RPA1: variants seen among roughly 807,000 people sequenced by gnomAD.
RPA1 encodes replication protein A1, also known as replication protein A 70 kDa DNA-binding subunit.
Under a neutral mutation model 83.0 loss-of-function variants are expected in RPA1, and 49 were observed. The observed-to-expected ratio is 0.59, with a 90% confidence interval of 0.47 to 0.75. The LOEUF is 0.75. Among genes scored for constraint, RPA1 ranks in the 30% least tolerant of loss-of-function variants. The pLI is 0.00. For missense variants in RPA1, 693 were observed against 776.1 expected, an observed-to-expected ratio of 0.89 and a Z score of 1.27; for synonymous variants, 279 against 281.8, an observed-to-expected ratio of 0.99 and a Z score of 0.10.
chr17:1,844,725 A>G, intron 4 of RPA1, 39 bp downstream of exon 4: 1 of 1,485,302 alleles, frequency 6.7e-7, no homozygotes, highest in Non-Finnish European at 9.3e-7. Context: ...TGTATCGTAG[A>G]ATGGGAACAA....
At chr17:1,881,116 C>G (rs1246895211) in intron 12 of RPA1, among the ~76,000 whole-genome samples, 1 of 152,158 alleles carries the variant, frequency 6.6e-6, no homozygotes, top group Non-Finnish European at 1.5e-5. Flanking sequence ...AGACTCTGAT[C>G]AAGTGTGGTG....
At chr17:1,877,735 C>A (rs1013859813) in intron 8 of RPA1, among the ~76,000 whole-genome samples, 1 of 152,106 alleles carries the variant, frequency 6.6e-6, no homozygotes, top group Non-Finnish European at 1.5e-5. Flanking sequence ...TTGTGAGCGC[C>A]GTGGAGCTTT....
At chr17:1,864,743 A>G (rs1035195322) in intron 5 of RPA1, among the ~76,000 whole-genome samples, 4 of 150,848 alleles carry the variant, frequency 2.7e-5, no homozygotes, top group Admixed American at 1.3e-4. Context: ...TACTAAAAAT[A>G]AAAAAAATTA....
Position 1,875,666 on chromosome 17 carries a change from A to C in RPA1, c.460A>C (p.Thr154Pro), listed in dbSNP as rs145953310. The change falls in exon 7 of 17, where the codon ACT (threonine) becomes CCT (proline). Residue 154 changes from threonine (T) to proline (P), a missense_variant. Physicochemically the swap from Thr to Pro is conservative, Grantham distance 38. Transcript: ENST00000254719. ...PQNGSSGMGSTVSKAYGASKT... is the reference protein window; with the variant it reads ...PQNGSSGMGSPVSKAYGASKT... ...GTTTGCGTTTGTTTTTAAAGGTTCT[A>C]CTGTTTCTAAGGCTTATGGTGCTTC... 3 of 1,612,098 alleles carry C rather than the reference A, an allele frequency of 1.9e-6. No individual in the cohort carries two copies. The highest frequency in any genetic ancestry group is 2.5e-6 in the Non-Finnish European group (3 of 1,179,326).
intron 1 of RPA1, among the ~76,000 whole-genome samples, chr17:1,839,541 G>A (rs1911960696): frequency 1.3e-5 from 2 of 150,952 alleles, no homozygotes; most frequent in East Asian, 4.0e-4. Context: ...GGCTGGGCTA[G>A]TCTTGATCTC....
chr17:1,849,969 C>T (rs543751940), intron 4 of RPA1, among the ~76,000 whole-genome samples: 35 of 152,066 alleles, frequency 2.3e-4, no homozygotes, highest in Admixed American at 3.9e-4. Flanking sequence ...GTCAGGAGTT[C>T]GAGACCAGCC....
chr17:1,897,172 G>A lies in RPA1; in HGVS notation c.1848G>A (p.Met616Ile). 1 of 1,553,174 alleles carries A rather than the reference G, an allele frequency of 6.4e-7. No individual in the cohort carries two copies. The highest frequency in any genetic ancestry group is 8.7e-7 in the Non-Finnish European group (1 of 1,147,488). Residue 616 changes from methionine to isoleucine, a missense_variant, in exon 17 of 17, where the codon ATG (methionine) becomes ATA (isoleucine). Transcript: ENST00000254719. ...TGAGCATCAGGAGAAGTGCATTGAT[G>A]TGAGAGGAGCAGTGCCAATCGGGCA... Reference protein sequence around the residue: ...LVMSIRRSALM With the variant: ...LVMSIRRSALI
At chr17:1,895,659 GTATTTATTTATT>G (rs1555596983) in intron 16 of RPA1, among the ~76,000 whole-genome samples, 127 of 141,812 alleles carry the variant, frequency 9.0e-4, no homozygotes, top group Admixed American at 2.0e-3. Flanking sequence ...ATACCATATA[GTATTTATTTATT>G]TATTTATTTA....
At chr17:1,862,319 G>A (rs1251320973) in intron 5 of RPA1, among the ~76,000 whole-genome samples, 2 of 150,464 alleles carry the variant, frequency 1.3e-5, no homozygotes, top group Non-Finnish European at 2.9e-5. Flanking sequence ...ACAGGTGTGA[G>A]CCACAGCGCC....
At chr17:1,857,635 A>C (rs1912759095) in intron 5 of RPA1, among the ~76,000 whole-genome samples, 1 of 148,814 alleles carries the variant, frequency 6.7e-6, no homozygotes, top group African/African-American at 2.5e-5. Flanking sequence ...GTGGCACCCA[A>C]AGCCTCACCA....
At chr17:1,851,286 T>C (rs1242983598) in intron 4 of RPA1, among the ~76,000 whole-genome samples, 1 of 134,190 alleles carries the variant, frequency 7.5e-6, no homozygotes, top group Non-Finnish European at 1.6e-5. Flanking sequence ...TGTGTGTGTG[T>C]GTGCCCACAC....
intron 1 of RPA1, among the ~76,000 whole-genome samples, chr17:1,835,391 C>T (rs1183474651): frequency 1.3e-5 from 2 of 151,924 alleles, no homozygotes; most frequent in African/African-American, 4.8e-5. Context: ...TCTTGGTCTC[C>T]AAACAGTTCT....
Position 1,899,523 on chromosome 17 carries a change from T to C in RPA1, c.*2348T>C, listed in dbSNP as rs1422231159. On this transcript the variant is annotated 3_prime_UTR_variant, in exon 17 of 17. Coordinates refer to ENST00000254719, the MANE Select transcript of RPA1 (RefSeq NM_002945.5). ...GATTTCTGTCCATATTTCCAGTGTT[T>C]TATGCTTTCCATTAAAACCTTGCTA... 1 of 152,218 alleles carries C rather than the reference T, an allele frequency of 6.6e-6. No individual in the cohort carries two copies. Among genetic ancestry groups the C allele is most frequent in the African/African-American group, 2.4e-5 (1 of 41,442 alleles). 9.4% of individuals were successfully genotyped at this position (152,218 alleles called of 1,614,324 possible). A position where few individuals can be genotyped will look rare whatever the true frequency, so the allele number is the denominator to read the frequency against.
At chr17:1,895,659 GTATT>G (rs1555596983) in intron 16 of RPA1, among the ~76,000 whole-genome samples, 16,091 of 141,388 alleles carry the variant, frequency 0.11, 1,262 homozygotes, top group African/African-American at 0.22. Flanking sequence ...ATACCATATA[GTATT>G]TATTTATTTA....
intron 1 of RPA1, among the ~76,000 whole-genome samples, chr17:1,832,421 C>A (rs1911654540): frequency 6.6e-6 from 1 of 151,402 alleles, no homozygotes; most frequent in Non-Finnish European, 1.5e-5. Flanking sequence ...GAGTCTTGCT[C>A]TGTTGCCCAG....
chr17:1,867,171 TAACGTTTTGTTAA>T (rs11267386), intron 5 of RPA1, among the ~76,000 whole-genome samples: 63,416 of 151,944 alleles, frequency 0.42, 13,556 homozygotes, highest in East Asian at 0.56. Context: ...TTTGCAGTAG[TAACGTTTTGTTAA>T]AATGAGCGAA....
chr17:1,835,076 C>G (rs944788429), intron 1 of RPA1, among the ~76,000 whole-genome samples: 1 of 151,940 alleles, frequency 6.6e-6, no homozygotes, highest in African/African-American at 2.4e-5. Context: ...GGTCTTGAAC[C>G]CCTGGCCTCA....
intron 5 of RPA1, among the ~76,000 whole-genome samples, chr17:1,871,408 G>A (rs1567817343): frequency 6.6e-6 from 1 of 152,164 alleles, no homozygotes; most frequent in Non-Finnish European, 1.5e-5. Context: ...CTTGGAAAAC[G>A]CAGCAGGAAT....
chr17:1,869,762 A>AT (rs1316946143), intron 5 of RPA1, among the ~76,000 whole-genome samples: 3 of 152,054 alleles, frequency 2.0e-5, no homozygotes, highest in Admixed American at 1.3e-4. Context: ...CTGTAGACTG[A>AT]TTTTTCTGGG....
Sources: allele counts gnomAD v4.1 joint callset (sites outside exome capture counted in the v4.1 genomes callset), GRCh38; gene constraint gnomAD v4.1.1; transcripts MANE v1.5; gene names NCBI Gene and HGNC (gene_info 2026-07-23, HGNC 2026-07-21).